The following DNAAF9 variants were observed in gnomAD, a reference collection of about 807,000 sequenced individuals.
DNAAF9 encodes the protein dynein axonemal assembly factor 9.
A neutral mutation model predicts 167.0 loss-of-function variants in DNAAF9; 90 were observed. The observed-to-expected ratio is 0.54, with a 90% CI of 0.45 to 0.64. The LOEUF (loss-of-function observed/expected upper bound fraction) is 0.64. Ranked by LOEUF, DNAAF9 falls within the 30% of genes least tolerant of loss-of-function variation. The pLI is 0.00. For missense variants in DNAAF9, 1,315 were observed against 1,442.2 expected, an observed-to-expected ratio of 0.91 and a Z score of 1.43; for synonymous variants, 491 against 508.8, an observed-to-expected ratio of 0.96 and a Z score of 0.47.
At chr20:3,324,501 G>A (rs759550132) in intron 14 of DNAAF9, among the ~76,000 whole-genome samples, 3 of 151,984 alleles carry the variant, frequency 2.0e-5, no homozygotes, top group Non-Finnish European at 4.4e-5. Flanking sequence ...TCATTCAAGA[G>A]ACAGATGAGG....
At chr20:3,371,348 T>C (rs1471092934) in intron 6 of DNAAF9, among the ~76,000 whole-genome samples, 1 of 134,566 alleles carries the variant, frequency 7.4e-6, no homozygotes. Flanking sequence ...TTTTTTTTTT[T>C]TTTTTTTTTT....
intron 1 of DNAAF9, among the ~76,000 whole-genome samples, chr20:3,392,474 TAAGTA>T (rs2083840259): frequency 6.6e-6 from 1 of 152,222 alleles, no homozygotes; most frequent in South Asian, 2.1e-4. Context: ...ATCACAAAGC[TAAGTA>T]AAGATTAACA....
intron 6 of DNAAF9, among the ~76,000 whole-genome samples, chr20:3,370,519 C>T (rs971634791): frequency 2.0e-5 from 3 of 152,068 alleles, no homozygotes; most frequent in Non-Finnish European, 2.9e-5. Flanking sequence ...AAGTGATTCT[C>T]CTGCCTCAGC....
At chr20:3,254,924 T>C (rs1162807834) in intron 35 of DNAAF9, among the ~76,000 whole-genome samples, 1 of 152,212 alleles carries the variant, frequency 6.6e-6, no homozygotes, top group Non-Finnish European at 1.5e-5. Context: ...ACATAGGTCT[T>C]CTGCAGTTGC....
chr20:3,407,614 C>A lies in DNAAF9; in HGVS notation c.-57G>T, dbSNP rs990047433. The A allele has an allele frequency of 1.7e-6, 2 of 1,201,836 alleles. No individual in the cohort carries two copies. The highest frequency in any genetic ancestry group is 8.9e-5 in the Admixed American group (2 of 22,510). The allele number at this position is 1,201,836 out of a possible 1,614,324, so 74.4% of individuals were successfully genotyped here. On this transcript the variant is annotated 5_prime_UTR_variant, in exon 1 of 37. Coordinates refer to ENST00000252032, the MANE Select transcript of DNAAF9 (RefSeq NM_001009984.3). ...GTGCAGCTGCGAGGGTCTCAGTTGCCCGCAGGGCGGCTCCACGCTAGCTGC... is the reference window on the plus strand; with the variant it reads ...GTGCAGCTGCGAGGGTCTCAGTTGCACGCAGGGCGGCTCCACGCTAGCTGC...
chr20:3,269,208 C>CTT (rs758519001), intron 30 of DNAAF9, among the ~76,000 whole-genome samples: 13 of 137,914 alleles, frequency 9.4e-5, no homozygotes, highest in East Asian at 2.1e-4. Context: ...CACCCGGCCA[C>CTT]TTTTTTTTTT....
At position 3,365,485 on chromosome 20, in the gene DNAAF9, G is replaced by A. The variant is rs375837580; in HGVS notation, c.613-5892C>T. Among the ~76,000 whole-genome samples the A allele has an allele frequency of 2.7e-3, 410 of 152,132 alleles. 1 individual carries two copies. The highest frequency in any genetic ancestry group is 9.3e-3 in the African/African-American group (384 of 41,482). On this transcript the variant is annotated intron_variant, in intron 6 of 36. Transcript: ENST00000252032. Reference sequence around the variant, plus strand: ...CAGCTCACTGCAACCTCTGCCTCCCGGGTTCAAGCGATTCTCTTGCCTCAG... The same window carrying A: ...CAGCTCACTGCAACCTCTGCCTCCCAGGTTCAAGCGATTCTCTTGCCTCAG...
intron 10 of DNAAF9, among the ~76,000 whole-genome samples, chr20:3,337,440 G>GTTTTTTTTTTTTTTTTTTTTTTTT (rs55881467): frequency 7.4e-6 from 1 of 134,402 alleles, no homozygotes. Flanking sequence ...CTTTTTTTTT[G>GTTTTTTTTTTTTTTTTTTTTTTTT]TTTTTTTTTT....
intron 21 of DNAAF9, among the ~76,000 whole-genome samples, chr20:3,303,121 A>G (rs1456043705): frequency 6.6e-6 from 1 of 152,082 alleles, no homozygotes; most frequent in African/African-American, 2.4e-5. Context: ...AGGCGCCTGT[A>G]GTCTCAGCTA....
intron 20 of DNAAF9, among the ~76,000 whole-genome samples, chr20:3,306,591 C>T (rs2069299137): frequency 6.6e-6 from 1 of 152,166 alleles, no homozygotes; most frequent in Non-Finnish European, 1.5e-5. Flanking sequence ...GTGGTGGAGC[C>T]AGGTACAGAA....
intron 20 of DNAAF9, among the ~76,000 whole-genome samples, chr20:3,311,778 T>A (rs1487613913): frequency 1.3e-5 from 2 of 152,186 alleles, no homozygotes; most frequent in Non-Finnish European, 2.9e-5. Flanking sequence ...GGTAAAACTC[T>A]AAAGCAGGTT....
chr20:3,369,353 G>A (rs866304062), intron 6 of DNAAF9, among the ~76,000 whole-genome samples: 2 of 151,578 alleles, frequency 1.3e-5, no homozygotes, highest in Middle Eastern at 3.2e-3. Flanking sequence ...AGACTTCTTA[G>A]ATCAGTCTTC....
At chr20:3,309,861 C>T (rs1005571257) in intron 20 of DNAAF9, among the ~76,000 whole-genome samples, 8 of 151,980 alleles carry the variant, frequency 5.3e-5, no homozygotes, top group African/African-American at 1.7e-4. Flanking sequence ...AAAATATTTG[C>T]AATATACTGA....
At chr20:3,378,721 A>C (rs2083607586) in intron 3 of DNAAF9, among the ~76,000 whole-genome samples, 1 of 152,158 alleles carries the variant, frequency 6.6e-6, no homozygotes, top group South Asian at 2.1e-4. Flanking sequence ...GTGTAGGACA[A>C]CGTCAAAAGG....
chr20:3,295,641 G>A, intron 23 of DNAAF9: 3 of 484,508 alleles, frequency 6.2e-6, no homozygotes, highest in South Asian at 3.3e-5. Flanking sequence ...GATGGGAGGT[G>A]GGGCTACCTC....
intron 2 of DNAAF9, 31 bp from the exon 3 acceptor site, chr20:3,381,529 T>C (rs1027180091): frequency 6.2e-7 from 1 of 1,605,984 alleles, no homozygotes; most frequent in African/African-American, 1.3e-5. Flanking sequence ...TGATCAGCTG[T>C]ACCATACTAC....
rs1421499354 is a variant in DNAAF9, at chr20:3,270,412, G to GCTTTCTGC, written c.2786+14_2786+15insGCAGAAAG. 1.2e-6 allele frequency: 2 copies of GCTTTCTGC among 1,611,992 alleles called. No homozygotes were observed. The highest frequency in any genetic ancestry group is 3.3e-5 in the Admixed American group (2 of 60,024). ...GAGAAAGCAACTGGTCTTGCAGAGT[G>GCTTTCTGC]AATCTATAGATTACCTGGTGACAAT... is the stretch of plus-strand genomic sequence containing the variant. On this transcript the variant is annotated intron_variant, in intron 30 of 36. Transcript: ENST00000252032.
intron 1 of DNAAF9, among the ~76,000 whole-genome samples, chr20:3,388,079 AAAAG>A (rs1360488150): frequency 2.0e-3 from 299 of 151,400 alleles, no homozygotes; most frequent in African/African-American, 6.4e-3. Flanking sequence ...AAAAAAAAAA[AAAAG>A]AAAAGAAAAG....
At chr20:3,278,872 T>C (rs1397670816) in intron 29 of DNAAF9, 40 bp downstream of exon 29, 8 of 1,414,930 alleles carry the variant, frequency 5.7e-6, no homozygotes, top group East Asian at 2.3e-5. Context: ...TCTACTGAAC[T>C]TGCAAGGCAT....
Sources: gnomAD v4.1 joint callset for allele counts (sites outside exome capture counted in the v4.1 genomes callset) on GRCh38, gnomAD v4.1.1 for gene constraint, MANE v1.5 for transcripts, NCBI Gene and HGNC (gene_info 2026-07-23, HGNC 2026-07-21) for gene names.